LAMP5: variants seen among roughly 807,000 people sequenced by gnomAD.
The protein encoded by LAMP5 is lysosome associated membrane protein 5, also known as lysosome-associated membrane glycoprotein 5.
In LAMP5, 36 loss-of-function variants were observed where a neutral mutation model predicts 30.2. That is an observed-to-expected ratio of 1.19 (90% confidence interval 0.91 to 1.57). The LOEUF is 1.57. Among genes scored for constraint, LAMP5 ranks in the 40% most tolerant of loss-of-function variants. LAMP5 has a pLI of 0.00. For synonymous variants in LAMP5, 149 were observed against 134.6 expected (o/e 1.11, Z -0.74); for missense variants, 377 against 354.9 (o/e 1.06, Z -0.50).
In LAMP5 at chr20:9,518,147, C is replaced by G; in HGVS notation, c.583C>G (p.Pro195Ala). The change falls in exon 5 of 6, where the codon CCG becomes GCG. Residue 195 changes from proline to alanine, a missense_variant. Physicochemically the swap from Pro to Ala is conservative, Grantham distance 27. Coordinates refer to ENST00000246070, the MANE Select transcript of LAMP5 (RefSeq NM_012261.4). ...QQTISLASSD[P>A]QKTVTMILSA... The stretch of plus-strand genomic sequence containing the variant: ...AACCATTTCACTGGCCTCTAGTGAT[C>G]CGCAGAAGACGGTCACCATGATCCT... The G allele has an allele frequency of 6.2e-7, 1 of 1,614,096 alleles. No individual in the cohort carries two copies. Among genetic ancestry groups the G allele is most frequent in the Non-Finnish European group, 8.5e-7 (1 of 1,179,936 alleles).
In LAMP5 at chr20:9,516,080, G is replaced by T; in HGVS notation, c.318G>T (p.Leu106=). The change falls in exon 3 of 6, where the codon CTG becomes CTT. Residue 106 remains leucine, a synonymous_variant. Coordinates refer to ENST00000246070, the MANE Select transcript of LAMP5 (RefSeq NM_012261.4). Reference sequence around the variant, plus strand: ...GCTGTGGCCACAGCCAGTCGGAGCTGCAAGTGTTCTGGGTGGATCGCGCAT... The same window carrying T: ...GCTGTGGCCACAGCCAGTCGGAGCTTCAAGTGTTCTGGGTGGATCGCGCAT... ...KGRCGHSQSE[L]QVFWVDRAYA... is the part of the protein sequence containing the mutation. The T allele has an allele frequency of 6.5e-7, 1 of 1,549,238 alleles. No homozygotes were observed. The highest frequency in any genetic ancestry group is 2.2e-5 in the East Asian group (1 of 44,506).
chr20:9,515,930 G>A, intron 2 of LAMP5, 70 bp from the exon 3 acceptor site: 1 of 1,421,676 alleles, frequency 7.0e-7, no homozygotes, highest in Non-Finnish European at 9.2e-7. Context: ...GAGTTTGGAC[G>A]CGCCGCCCTT....
chr20:9,527,131 GA>G (rs1325558170), intron 5 of LAMP5, among the ~76,000 whole-genome samples: 1 of 151,828 alleles, frequency 6.6e-6, no homozygotes, highest in Non-Finnish European at 1.5e-5. Context: ...TCAGGAAACC[GA>G]ACTGACAAAT....
chr20:9,515,911 T>C (rs2045033879), intron 2 of LAMP5, 89 bp from the exon 3 acceptor site: 5 of 1,385,130 alleles, frequency 3.6e-6, no homozygotes, highest in Admixed American at 3.2e-5. Context: ...CGCCCAAGCG[T>C]GCAACCCAGA....
At position 9,530,421 on chromosome 20, in the gene LAMP5, G is replaced by A. The variant is rs908871756; in HGVS notation, c.*601G>A. 6.5e-6 allele frequency: 1 copy of A among 152,714 alleles called. No homozygotes were observed. Among genetic ancestry groups the A allele is most frequent in the East Asian group, 1.9e-4 (1 of 5,200 alleles). 9.5% of individuals were successfully genotyped at this position (152,714 alleles called of 1,614,324 possible). A position where few individuals can be genotyped will look rare whatever the true frequency, so the allele number is the denominator to read the frequency against. ...AAAACGACTAATGTAACTATGCAGA[G>A]TTGTTTGGACTTCTTCCTGTGCCAG... On this transcript the variant is annotated 3_prime_UTR_variant, in exon 6 of 6. Coordinates refer to ENST00000246070, the MANE Select transcript of LAMP5 (RefSeq NM_012261.4).
At chr20:9,516,187 T>G (rs1022781019) in intron 3 of LAMP5, 56 bp downstream of exon 3, 11 of 1,603,764 alleles carry the variant, frequency 6.9e-6, no homozygotes, top group Non-Finnish European at 9.4e-6. Flanking sequence ...GTGTGGGAAG[T>G]GGCGGCCCCT....
At chr20:9,523,128 G>T (rs2045090105) in intron 5 of LAMP5, among the ~76,000 whole-genome samples, 1 of 151,946 alleles carries the variant, frequency 6.6e-6, no homozygotes, top group Non-Finnish European at 1.5e-5. Context: ...CAGCTTGTCT[G>T]CAGTCAAAGG....
At position 9,516,000 on chromosome 20, in the gene LAMP5, C is replaced by T; in HGVS notation, c.238C>T (p.Leu80=). 1 of 1,507,256 alleles carries T rather than the reference C, an allele frequency of 6.6e-7. No homozygotes were observed. The highest frequency in any genetic ancestry group is 8.8e-7 in the Non-Finnish European group (1 of 1,130,628). The allele number at this position is 1,507,256 out of a possible 1,614,324, so 93.4% of individuals were successfully genotyped here. A position where few individuals can be genotyped will look rare whatever the true frequency, so the allele number is the denominator to read the frequency against. The change falls in exon 3 of 6, where the codon CTG becomes TTG. Residue 80 remains leucine (L), a splice_region_variant and synonymous_variant. Transcript: ENST00000246070. ...YDVWASNYVD[L]ITEQADIALT... ...GGGCGCGGGGCGTCTGTGTTCCCAG[C>T]TGATCACAGAACAGGCCGATATCGC...
Position 9,514,715 on chromosome 20 carries a change from A to T in LAMP5, c.-138A>T, listed in dbSNP as rs1300119837. On this transcript the variant is annotated 5_prime_UTR_variant, in exon 1 of 6. Coordinates refer to ENST00000246070, the MANE Select transcript of LAMP5 (RefSeq NM_012261.4). Reference sequence around the variant, plus strand: ...CCGAGTCCTAGCTAGGCGCTCACAGAATACGCGCTCCCTCCCTCCCCCTTC... The same window carrying T: ...CCGAGTCCTAGCTAGGCGCTCACAGTATACGCGCTCCCTCCCTCCCCCTTC... 24 of 709,712 alleles carry T rather than the reference A, an allele frequency of 3.4e-5. No individual in the cohort carries two copies. Among genetic ancestry groups the T allele is most frequent in the Non-Finnish European group, 5.5e-5 (23 of 419,464 alleles). 44.0% of individuals were successfully genotyped at this position (709,712 alleles called of 1,614,324 possible). A position where few individuals can be genotyped will look rare whatever the true frequency, so the allele number is the denominator to read the frequency against.
intron 5 of LAMP5, among the ~76,000 whole-genome samples, chr20:9,520,013 G>A (rs1468878253): frequency 1.3e-5 from 2 of 152,198 alleles, no homozygotes; most frequent in African/African-American, 2.4e-5. Context: ...CTAAAAATCA[G>A]TACAATTCAT....
At position 9,516,370 on chromosome 20, in the gene LAMP5, A is replaced by G; in HGVS notation, c.475+9A>G. The G allele has an allele frequency of 6.2e-7, 1 of 1,605,178 alleles. No individual in the cohort carries two copies. Among genetic ancestry groups the G allele is most frequent in the East Asian group, 2.2e-5 (1 of 44,830 alleles). On this transcript the variant is annotated intron_variant, in intron 4 of 5. Transcript: ENST00000246070. ...CAAAGACGCAGTCAGTGGTGAGTGG[A>G]GGCTGGCATGGCTGGGGAGGGAGCC...
chr20:9,519,091 G>A (rs1048950364), intron 5 of LAMP5, among the ~76,000 whole-genome samples: 1 of 152,140 alleles, frequency 6.6e-6, no homozygotes, highest in African/African-American at 2.4e-5. Flanking sequence ...CAAAACCTCT[G>A]CAATTTGTTC....
rs765856589 is a variant in LAMP5 at position 9,515,503 on chromosome 20, C to A, written c.115C>A (p.Leu39Ile). Residue 39 changes from leucine to isoleucine, a missense_variant, in exon 2 of 6, where the codon CTT (leucine) becomes ATT (isoleucine). By Grantham distance (5) the Leu-to-Ile change is conservative. Coordinates refer to ENST00000246070, the MANE Select transcript of LAMP5 (RefSeq NM_012261.4). ...ACAAGAAGTGGAAAATCTCTCAGGC[C>A]TTTCCACTAACCCTGAAAAAGATAT... Reference protein sequence around the residue: ...AEQEVENLSGLSTNPEKDIFV... With the variant: ...AEQEVENLSGISTNPEKDIFV... 1 of 1,614,066 alleles carries A rather than the reference C, an allele frequency of 6.2e-7. No homozygotes were observed.
chr20:9,516,111 C>T lies in LAMP5; in HGVS notation c.349C>T (p.Leu117Phe), dbSNP rs1300157566. ...QVFWVDRAYA[L>F]KMLFVKESHN... ...GTTCTGGGTGGATCGCGCATATGCA[C>T]TCAAAATGCTCTTTGTAAAGGTAAC... The change falls in exon 3 of 6, where the codon CTC (leucine) becomes TTC (phenylalanine). Residue 117 changes from leucine to phenylalanine, a missense_variant. Coordinates refer to ENST00000246070, the MANE Select transcript of LAMP5 (RefSeq NM_012261.4). The T allele has an allele frequency of 1.3e-5, 20 of 1,551,182 alleles. No individual in the cohort carries two copies. The Admixed American group carries it at 2.1e-4, about 16-fold the overall frequency.
rs1354883396 is a variant in LAMP5 at position 9,529,627 on chromosome 20, T to A, written c.665-15T>A. ...TTTGACCAGAGCTCTCTGCTTTTCT[T>A]CTTTCCCATTGCAGAGCATAAATGC... On this transcript the variant is annotated splice_polypyrimidine_tract_variant and intron_variant, in intron 5 of 5. Transcript: ENST00000246070. 1 of 1,610,510 alleles carries A rather than the reference T, an allele frequency of 6.2e-7. No homozygotes were observed.
chr20:9,515,423 A>T lies in LAMP5; in HGVS notation c.65-30A>T, dbSNP rs781451000. 4 of 1,601,718 alleles carry T rather than the reference A, an allele frequency of 2.5e-6. No homozygotes were observed. In the Admixed American group the frequency reaches 6.7e-5, roughly 27 times the overall value. On this transcript the variant is annotated intron_variant, in intron 1 of 5. Transcript: ENST00000246070. Reference sequence around the variant, plus strand: ...CCGAGACGCGTGGGCTGAGCCCTGAACTGATGGAATTGTTTTGTTTGTTCC... The same window carrying T: ...CCGAGACGCGTGGGCTGAGCCCTGATCTGATGGAATTGTTTTGTTTGTTCC...
At chr20:9,524,171 G>C (rs1409453291) in intron 5 of LAMP5, among the ~76,000 whole-genome samples, 1 of 152,114 alleles carries the variant, frequency 6.6e-6, no homozygotes, top group Non-Finnish European at 1.5e-5. Context: ...ATATATTGCT[G>C]TATCTGAAAT....
chr20:9,517,414 T>C (rs2045048360), intron 4 of LAMP5, among the ~76,000 whole-genome samples: 1 of 151,208 alleles, frequency 6.6e-6, no homozygotes, highest in Admixed American at 6.6e-5. Context: ...TCCTTCTGTG[T>C]CTTTGGAATC....
intron 5 of LAMP5, among the ~76,000 whole-genome samples, chr20:9,519,243 C>T (rs1356512714): frequency 2.0e-5 from 3 of 152,108 alleles, no homozygotes; most frequent in Non-Finnish European, 4.4e-5. Flanking sequence ...ATTTTGATTG[C>T]TTTGTTTATG....
Sources: gnomAD v4.1 joint callset for allele counts (sites outside exome capture counted in the v4.1 genomes callset) on GRCh38, gnomAD v4.1.1 for gene constraint, MANE v1.5 for transcripts, NCBI Gene and HGNC (gene_info 2026-07-23, HGNC 2026-07-21) for gene names.